CLEC3A: variants seen among roughly 807,000 people sequenced by gnomAD.
CLEC3A encodes the protein C-type lectin domain family 3 member A.
A neutral mutation model predicts 20.4 loss-of-function variants in CLEC3A; 28 were observed. The observed-to-expected ratio is 1.37, with a 90% CI of 1.02 to 1.88. The LOEUF is 1.88. CLEC3A is among the 40% of genes most tolerant of loss of function. The pLI is 0.00. For missense variants in CLEC3A, 357 were observed against 240.4 expected (o/e 1.48, Z -3.21); for synonymous variants, 110 against 88.1 (o/e 1.25, Z -1.39).
chr16:78,026,945 C>T (rs554191602), intron 1 of CLEC3A, among the ~76,000 whole-genome samples: 89 of 152,252 alleles, frequency 5.8e-4, no homozygotes, highest in Non-Finnish European at 1.2e-3. Flanking sequence ...TGTGTTGAGT[C>T]GGAACACTGG....
chr16:78,030,092 G>A (rs574815265), intron 2 of CLEC3A, among the ~76,000 whole-genome samples: 2 of 144,932 alleles, frequency 1.4e-5, no homozygotes, highest in East Asian at 4.2e-4. Flanking sequence ...GGCGGAGCTT[G>A]CAGTGAGCCG....
chr16:78,030,951 A>T lies in CLEC3A; in HGVS notation c.*110A>T. On this transcript the variant is annotated 3_prime_UTR_variant, in exon 3 of 3. Transcript: ENST00000299642. The stretch of plus-strand genomic sequence containing the variant: ...TTACTTATTAAAAAATTGCAACACA[A>T]GATCAATGTCCATAGCAATATGATA... 8.1e-7 allele frequency: 1 copy of T among 1,230,114 alleles called. No individual in the cohort carries two copies. 76.2% of individuals were successfully genotyped at this position (1,230,114 alleles called of 1,614,324 possible).
chr16:78,025,377 T>G (rs1263552841), intron 1 of CLEC3A, among the ~76,000 whole-genome samples: 1 of 152,214 alleles, frequency 6.6e-6, no homozygotes, highest in African/African-American at 2.4e-5. Context: ...CTGCTCCCCA[T>G]GTTAGGATGT....
chr16:78,025,541 G>A (rs552350598), intron 1 of CLEC3A, among the ~76,000 whole-genome samples: 17 of 152,108 alleles, frequency 1.1e-4, no homozygotes, highest in Admixed American at 3.3e-4. Context: ...GGTTTTACTG[G>A]CCATGTCTTC....
chr16:78,029,633 G>A (rs959958714), intron 2 of CLEC3A, among the ~76,000 whole-genome samples: 18 of 151,758 alleles, frequency 1.2e-4, no homozygotes, highest in Admixed American at 3.3e-4. Flanking sequence ...CTCCCTAAGT[G>A]CTGGGATTAT....
Position 78,022,730 on chromosome 16 carries a change from G to T in CLEC3A, c.104G>T (p.Arg35Leu). The change falls in exon 1 of 3, where the codon CGT becomes CTT. Residue 35 changes from arginine (R) to leucine (L), a missense_variant. By Grantham distance (102) the Arg-to-Leu change is moderately radical (BLOSUM62 -2). Transcript: ENST00000299642. ...SRLKARKHSK[R>L]RVRDKDGDLK... ...TTAAAAGCCAGGAAGCACAGCAAAC[G>T]TCGAGTGAGAGGTAATGGGGCTTCT... 1 of 1,614,150 alleles carries T rather than the reference G, an allele frequency of 6.2e-7. No homozygotes were observed. The highest frequency in any genetic ancestry group is 8.5e-7 in the Non-Finnish European group (1 of 1,180,028).
In CLEC3A at chr16:78,030,834, C is replaced by T; in HGVS notation, c.587C>T (p.Pro196Leu). The stretch of plus-strand genomic sequence containing the variant: ...AGATACATATGCGAGTTCACCATCC[C>T]TCAATAGGTCTTTCTCCAATGTGTC... ...SKRYICEFTI[P>L]Q Residue 196 changes from proline (P) to leucine (L), a missense_variant, in exon 3 of 3, where the codon CCT (proline) becomes CTT (leucine). Pro to Leu is a moderately conservative substitution (Grantham distance 98, BLOSUM62 -3). Coordinates refer to ENST00000299642, the MANE Select transcript of CLEC3A (RefSeq NM_005752.6). The T allele has an allele frequency of 1.9e-6, 3 of 1,608,964 alleles. No individual in the cohort carries two copies. Among genetic ancestry groups the T allele is most frequent in the Non-Finnish European group, 1.7e-6 (2 of 1,177,110 alleles).
At chr16:78,025,501 A>G (rs1198645549) in intron 1 of CLEC3A, among the ~76,000 whole-genome samples, 3 of 152,166 alleles carry the variant, frequency 2.0e-5, no homozygotes, top group Non-Finnish European at 4.4e-5. Flanking sequence ...GCCCATTCCT[A>G]TGTATTTTGA....
rs1163842319 is a variant in CLEC3A, at chr16:78,022,755, T to C, written c.115+14T>C. The C allele has an allele frequency of 1.2e-6, 2 of 1,612,288 alleles. No homozygotes were observed. The highest frequency in any genetic ancestry group is 2.7e-5 in the African/African-American group (2 of 73,702). ...GTCGAGTGAGAGGTAATGGGGCTTC[T>C]CAATCAAGCAAAATTCTAGGCTTAG... On this transcript the variant is annotated intron_variant, in intron 1 of 2. Transcript: ENST00000299642.
rs750852356 is a variant in CLEC3A at position 78,030,730 on chromosome 16, T to G, written c.483T>G (p.Gly161=). The G allele has an allele frequency of 2.0e-5, 32 of 1,613,914 alleles. No individual in the cohort carries two copies. Among genetic ancestry groups the G allele is most frequent in the Non-Finnish European group, 2.5e-5 (29 of 1,180,012 alleles). The stretch of plus-strand genomic sequence containing the variant: ...ACTGGGACCGTGCACAGCCTAACGG[T>G]GGCAAGCGAGAAAACTGTGTCCTGT... ...FLNWDRAQPN[G]GKRENCVLFS... is the part of the protein sequence containing the mutation. The change falls in exon 3 of 3, where the codon GGT becomes GGG. Residue 161 remains glycine, a synonymous_variant. Coordinates refer to ENST00000299642, the MANE Select transcript of CLEC3A (RefSeq NM_005752.6).
In CLEC3A at chr16:78,031,097, C is replaced by G. The variant is rs1443789961; in HGVS notation, c.*256C>G. ...TGGCTTCTGCTAAACAGACTAAAAT[C>G]TTTCTCTCTAGTCTTTCTCACTTGT... is the stretch of plus-strand genomic sequence containing the variant. On this transcript the variant is annotated 3_prime_UTR_variant, in exon 3 of 3. Transcript: ENST00000299642. 5.5e-6 allele frequency: 2 copies of G among 366,972 alleles called. No homozygotes were observed. The highest frequency in any genetic ancestry group is 9.5e-5 in the East Asian group (2 of 21,020). The allele number at this position is 366,972 out of a possible 1,614,324, so 22.7% of individuals were successfully genotyped here. A position where few individuals can be genotyped will look rare whatever the true frequency, so the allele number is the denominator to read the frequency against.
chr16:78,030,102 G>A (rs1296554236), intron 2 of CLEC3A, among the ~76,000 whole-genome samples: 3 of 141,582 alleles, frequency 2.1e-5, no homozygotes, highest in East Asian at 2.1e-4. Flanking sequence ...GCAGTGAGCC[G>A]AGATGGCGCC....
At position 78,023,399 on chromosome 16, in the gene CLEC3A, C is replaced by T. The variant is rs143362505; in HGVS notation, c.115+658C>T. Among the ~76,000 whole-genome samples the T allele has an allele frequency of 4.7e-3, 711 of 152,064 alleles. 4 individuals carry two copies. The highest frequency in any genetic ancestry group is 0.016 in the African/African-American group (646 of 41,470). ...ATGCAAAACTGAATCTCCCAGGAAC[C>T]TCAAATTTTGAGTGACTTGAATTGG... is the stretch of plus-strand genomic sequence containing the variant. On this transcript the variant is annotated intron_variant, in intron 1 of 2. Coordinates refer to ENST00000299642, the MANE Select transcript of CLEC3A (RefSeq NM_005752.6).
chr16:78,025,521 A>G (rs2029890308), intron 1 of CLEC3A, among the ~76,000 whole-genome samples: 1 of 152,168 alleles, frequency 6.6e-6, no homozygotes, highest in South Asian at 2.1e-4. Context: ...ACAGTCCAAC[A>G]TCATATAATG....
In CLEC3A at chr16:78,031,056, G is replaced by C. The variant is rs1046933270; in HGVS notation, c.*215G>C. On this transcript the variant is annotated 3_prime_UTR_variant, in exon 3 of 3. Transcript: ENST00000299642. ...TAGGGGATCAGAAATATTGATCCAT[G>C]TGCACGCAGATAAAATGGCTTCTGC... is the stretch of plus-strand genomic sequence containing the variant. The C allele has an allele frequency of 3.8e-6, 2 of 524,358 alleles. No homozygotes were observed. The highest frequency in any genetic ancestry group is 6.6e-6 in the Non-Finnish European group (2 of 301,848). The allele number at this position is 524,358 out of a possible 1,614,324, so 32.5% of individuals were successfully genotyped here. A position where few individuals can be genotyped will look rare whatever the true frequency, so the allele number is the denominator to read the frequency against.
intron 1 of CLEC3A, among the ~76,000 whole-genome samples, chr16:78,023,339 A>G (rs550414719): frequency 3.3e-5 from 5 of 152,198 alleles, no homozygotes; most frequent in South Asian, 2.1e-4. Context: ...AAAAAAGTCA[A>G]TATGCAAAGT....
At chr16:78,028,040 G>C (rs2029975909) in intron 1 of CLEC3A, 67 bp from the exon 2 acceptor site, 1 of 1,129,916 alleles carries the variant, frequency 8.9e-7, no homozygotes, top group South Asian at 1.3e-5. Flanking sequence ...ACATTCCAAA[G>C]CTTGATTTTA....
chr16:78,030,754 G>T lies in CLEC3A; in HGVS notation c.507G>T (p.Leu169=). 3.1e-6 allele frequency: 5 copies of T among 1,614,090 alleles called. No homozygotes were observed. Reference sequence around the variant, plus strand: ...GTGGCAAGCGAGAAAACTGTGTCCTGTTCTCCCAATCAGCTCAGGGCAAGT... The same window carrying T: ...GTGGCAAGCGAGAAAACTGTGTCCTTTTCTCCCAATCAGCTCAGGGCAAGT... ...PNGGKRENCV[L]FSQSAQGKWS... Residue 169 remains leucine (L), a synonymous_variant, in exon 3 of 3, where the codon CTG becomes CTT. Transcript: ENST00000299642.
intron 2 of CLEC3A, among the ~76,000 whole-genome samples, chr16:78,029,354 GAATTT>G (rs1754631708): frequency 6.6e-6 from 1 of 152,128 alleles, no homozygotes; most frequent in Admixed American, 6.5e-5. Context: ...TGCAAAACTA[GAATTT>G]AATTGATTGA....
Sources: allele counts gnomAD v4.1 joint callset (sites outside exome capture counted in the v4.1 genomes callset), GRCh38; gene constraint gnomAD v4.1.1; transcripts MANE v1.5; gene names NCBI Gene and HGNC (gene_info 2026-07-23, HGNC 2026-07-21).